ITGA11: variants seen among roughly 807,000 people sequenced by gnomAD.
The protein encoded by ITGA11 is integrin alpha-11.
ITGA11 carries 97 observed loss-of-function variants against 141.9 expected under a neutral mutation model. The observed-to-expected ratio is 0.68, with a 90% confidence interval of 0.58 to 0.81. The LOEUF is 0.81. ITGA11 is among the 30% of genes least tolerant of loss of function. ITGA11 has a pLI of 0.00. For synonymous variants in ITGA11, 658 were observed against 624.6 expected, an observed-to-expected ratio of 1.05 and a Z score of -0.80; for missense variants, 1,387 against 1,559.2, an observed-to-expected ratio of 0.89 and a Z score of 1.86.
intron 3 of ITGA11, among the ~76,000 whole-genome samples, chr15:68,368,321 C>T (rs572238763): frequency 1.1e-4 from 16 of 152,286 alleles, no homozygotes; most frequent in African/African-American, 3.9e-4. Flanking sequence ...AGCTTGTCAG[C>T]CAAAATGGAA....
chr15:68,325,037 T>C lies in ITGA11; in HGVS notation c.2322+94A>G. On this transcript the variant is annotated intron_variant, in intron 18 of 29. Coordinates refer to ENST00000315757, the MANE Select transcript of ITGA11 (RefSeq NM_001004439.2). The surrounding 1 kb of genome is among the most constrained non-coding windows in gnomAD (Gnocchi z 5.5). ...AGGTGAGATGAGGGATGGTGTCCTC[T>C]GTACCCGGCACACTCAGGCTCTGGG... 2.2e-6 allele frequency: 2 copies of C among 912,914 alleles called. No homozygotes were observed. Among genetic ancestry groups the C allele is most frequent in the Non-Finnish European group, 3.6e-6 (2 of 551,990 alleles). The allele number at this position is 912,914 out of a possible 1,614,324, so 56.6% of individuals were successfully genotyped here. A position where few individuals can be genotyped will look rare whatever the true frequency, so the allele number is the denominator to read the frequency against.
intron 2 of ITGA11, among the ~76,000 whole-genome samples, chr15:68,385,406 A>C (rs1475326480): frequency 6.6e-6 from 1 of 152,214 alleles, no homozygotes; most frequent in Non-Finnish European, 1.5e-5. Context: ...CCAGAGGGCA[A>C]CACTCTTGGG....
intron 20 of ITGA11, among the ~76,000 whole-genome samples, chr15:68,318,779 A>G (rs1893689245): frequency 6.6e-6 from 1 of 151,998 alleles, no homozygotes; most frequent in South Asian, 2.1e-4. Flanking sequence ...GGTGGAGAGG[A>G]CAGACTGGCC....
chr15:68,363,437 G>C (rs1895315837), intron 4 of ITGA11, among the ~76,000 whole-genome samples: 1 of 152,164 alleles, frequency 6.6e-6, no homozygotes, highest in Admixed American at 6.5e-5. Context: ...GGCTAATAAA[G>C]GGCTGTGGGC....
chr15:68,307,395 GC>G lies in ITGA11; in HGVS notation c.3333del (p.Arg1111SerfsTer36). 6.4e-7 allele frequency: 1 copy of G among 1,558,918 alleles called. No individual in the cohort carries two copies. The highest frequency in any genetic ancestry group is 8.7e-7 in the Non-Finnish European group (1 of 1,150,556). On this transcript the variant is annotated frameshift_variant, in exon 28 of 30. Transcript: ENST00000315757. LOFTEE classifies it high-confidence loss of function. The surrounding 1 kb of genome is among the most constrained non-coding windows in gnomAD (Gnocchi z 6.1). ...CGGAAGATGAAGGGGCTGTGGAACT[GC>G]CTCTGCAAGGCTGCGTTGACCATGA... ...MKIMVNAALQ[R>X]QFHSPFIFRE...
At position 68,432,149 on chromosome 15, in the gene ITGA11, C is replaced by T; in HGVS notation, c.-83G>A. The T allele has an allele frequency of 9.5e-7, 1 of 1,057,778 alleles. No individual in the cohort carries two copies. The highest frequency in any genetic ancestry group is 1.2e-6 in the Non-Finnish European group (1 of 806,872). 65.5% of individuals were successfully genotyped at this position (1,057,778 alleles called of 1,614,324 possible). On this transcript the variant is annotated 5_prime_UTR_variant, in exon 1 of 30. Coordinates refer to ENST00000315757, the MANE Select transcript of ITGA11 (RefSeq NM_001004439.2). ...GAGCGGCAGCCTCCTCGGCGCGGCG[C>T]CTGCAGCCTGCACTGCGCGGGGCGC...
intron 1 of ITGA11, among the ~76,000 whole-genome samples, chr15:68,430,242 C>T (rs1897238319): frequency 6.6e-6 from 1 of 152,126 alleles, no homozygotes; most frequent in African/African-American, 2.4e-5. Flanking sequence ...GCCCCCTCCT[C>T]CTTGAGTAGC....
At chr15:68,349,966 C>T (rs1894852468) in intron 9 of ITGA11, among the ~76,000 whole-genome samples, 1 of 152,120 alleles carries the variant, frequency 6.6e-6, no homozygotes, top group Non-Finnish European at 1.5e-5. Flanking sequence ...CCTAAGCCTG[C>T]CACACCCACT....
intron 2 of ITGA11, among the ~76,000 whole-genome samples, chr15:68,371,311 G>C (rs989565651): frequency 6.6e-6 from 1 of 152,202 alleles, no homozygotes; most frequent in Non-Finnish European, 1.5e-5. Context: ...CCTGACACGT[G>C]ACCAAGTCTT....
At position 68,432,084 on chromosome 15, in the gene ITGA11, C is replaced by G. The variant is rs1595905439; in HGVS notation, c.-18G>C. On this transcript the variant is annotated 5_prime_UTR_variant, in exon 1 of 30. Coordinates refer to ENST00000315757, the MANE Select transcript of ITGA11 (RefSeq NM_001004439.2). ...AGGTCCATGGCCCGCGGCACGGCGG[C>G]TGGGTCCGGTGTGCAGCGGCGGCGG... is the stretch of plus-strand genomic sequence containing the variant. The G allele has an allele frequency of 4.4e-6, 6 of 1,367,394 alleles. No homozygotes were observed. The East Asian group carries it at 1.8e-4, about 42-fold the overall frequency. 84.7% of individuals were successfully genotyped at this position (1,367,394 alleles called of 1,614,324 possible). A position where few individuals can be genotyped will look rare whatever the true frequency, so the allele number is the denominator to read the frequency against.
At position 68,351,465 on chromosome 15, in the gene ITGA11, C is replaced by T. The variant is rs574957533; in HGVS notation, c.750-63G>A. ...AGTGGGATTGGGGCAGCCCCTGACGCTCCTGCAGAGGGGCAGCCACAGAAA... is the reference window on the plus strand; with the variant it reads ...AGTGGGATTGGGGCAGCCCCTGACGTTCCTGCAGAGGGGCAGCCACAGAAA... On this transcript the variant is annotated intron_variant, in intron 7 of 29. Coordinates refer to ENST00000315757, the MANE Select transcript of ITGA11 (RefSeq NM_001004439.2). 3.2e-4 allele frequency: 500 copies of T among 1,560,786 alleles called. 1 individual carries two copies. Among genetic ancestry groups the T allele is most frequent in the Non-Finnish European group, 4.2e-4 (480 of 1,150,690 alleles).
In ITGA11 at chr15:68,324,863, G is replaced by A. The variant is rs1893920836; in HGVS notation, c.2322+268C>T. ...TTTGTATTTCTCCGGTGCTCACCCT[G>A]TGCTCCCCTGTGCTGGGGATACGGG... On this transcript the variant is annotated intron_variant, in intron 18 of 29. Coordinates refer to ENST00000315757, the MANE Select transcript of ITGA11 (RefSeq NM_001004439.2). This position sits in a 1 kb window ranked among gnomAD's most constrained non-coding sequence, Gnocchi z 6.3. Among the ~76,000 whole-genome samples, 1 of 152,160 alleles carries A rather than the reference G, an allele frequency of 6.6e-6. No homozygotes were observed. The highest frequency in any genetic ancestry group is 2.1e-4 in the South Asian group (1 of 4,824).
chr15:68,378,653 A>G (rs1043496693), intron 2 of ITGA11, among the ~76,000 whole-genome samples: 1 of 152,188 alleles, frequency 6.6e-6, no homozygotes, highest in Non-Finnish European at 1.5e-5. Flanking sequence ...CAAAATAAAT[A>G]AATAAATAAA....
In ITGA11 at chr15:68,369,572, C is replaced by G. The variant is rs1308232284; in HGVS notation, c.165-288G>C. Reference sequence around the variant, plus strand: ...GCAACAAATGGGATGGAGGCAAATCCCTGGTAGAGGAGGGGGCGATGTTTG... The same window carrying G: ...GCAACAAATGGGATGGAGGCAAATCGCTGGTAGAGGAGGGGGCGATGTTTG... On this transcript the variant is annotated intron_variant, in intron 2 of 29. Transcript: ENST00000315757. 2.0e-5 allele frequency among the ~76,000 whole-genome samples: 3 copies of G among 152,286 alleles called. No individual in the cohort carries two copies. In the East Asian group the frequency reaches 5.8e-4, roughly 29 times the overall value.
At chr15:68,392,651 G>A (rs1896148716) in intron 2 of ITGA11, among the ~76,000 whole-genome samples, 1 of 152,154 alleles carries the variant, frequency 6.6e-6, no homozygotes, top group African/African-American at 2.4e-5. Context: ...ACAGCCAATG[G>A]GAGCAGAGAT....
At chr15:68,338,107 C>A (rs1348322628) in intron 11 of ITGA11, among the ~76,000 whole-genome samples, 2 of 152,210 alleles carry the variant, frequency 1.3e-5, no homozygotes, top group African/African-American at 2.4e-5. Context: ...GGCACCTGCA[C>A]CTTGCACCCC....
chr15:68,408,283 G>T (rs768756122), intron 1 of ITGA11, among the ~76,000 whole-genome samples: 49 of 152,148 alleles, frequency 3.2e-4, no homozygotes, highest in Non-Finnish European at 6.3e-4. Context: ...GATTACATCA[G>T]ATCTTGCTTA....
At chr15:68,332,274 C>A in intron 13 of ITGA11, 64 bp downstream of exon 13, 1 of 1,534,868 alleles carries the variant, frequency 6.5e-7, no homozygotes. Flanking sequence ...TCCGTCGTGG[C>A]TACCCAAGTC....
At chr15:68,382,178 G>A (rs1402589766) in intron 2 of ITGA11, among the ~76,000 whole-genome samples, 3 of 152,218 alleles carry the variant, frequency 2.0e-5, no homozygotes, top group Non-Finnish European at 4.4e-5. Flanking sequence ...CAAAAAGGCT[G>A]TGGGCTAGCT....
Sources: allele counts gnomAD v4.1 joint callset (sites outside exome capture counted in the v4.1 genomes callset), GRCh38; gene constraint gnomAD v4.1.1; non-coding constraint Gnocchi (gnomAD v3.1); transcripts MANE v1.5; gene names NCBI Gene and HGNC (gene_info 2026-07-23, HGNC 2026-07-21).